Variants in SLC9C2 observed in about 807,000 individuals in gnomAD.
SLC9C2 encodes the protein sodium/hydrogen exchanger 11.
In SLC9C2, 75 loss-of-function variants were observed where a neutral mutation model predicts 140.2. The observed-to-expected ratio is 0.53, with a 90% CI of 0.44 to 0.65. The LOEUF (loss-of-function observed/expected upper bound fraction) is 0.65, where lower values mean the gene tolerates loss of function less well. SLC9C2 is among the 30% of genes least tolerant of loss of function. The probability of loss-of-function intolerance (pLI) is 0.00; values close to 1 mark genes in which losing one functional copy is unlikely to be tolerated. For synonymous variants in SLC9C2, 375 were observed against 420.9 expected (o/e 0.89, Z 1.34); for missense variants, 1,074 against 1,331.8 (o/e 0.81, Z 3.01).
chr1:173,584,212 C>G (rs1665720075), intron 5 of SLC9C2, among the ~76,000 whole-genome samples: 1 of 152,072 alleles, frequency 6.6e-6, no homozygotes, highest in South Asian at 2.1e-4. Context: ...AAACCTGAAC[C>G]TTGAAAACAT....
chr1:173,556,052 A>C (rs1467772158), intron 10 of SLC9C2, among the ~76,000 whole-genome samples: 1 of 152,020 alleles, frequency 6.6e-6, no homozygotes, highest in Admixed American at 6.6e-5. Context: ...ATAGCAACAA[A>C]CTCTGTACAT....
chr1:173,559,814 G>T (rs1195089075), intron 9 of SLC9C2, among the ~76,000 whole-genome samples: 1 of 152,172 alleles, frequency 6.6e-6, no homozygotes, highest in African/African-American at 2.4e-5. Flanking sequence ...ACTCTAGGAG[G>T]CTATATTTTC....
chr1:173,561,549 G>A (rs763246180), intron 9 of SLC9C2, among the ~76,000 whole-genome samples: 1 of 152,122 alleles, frequency 6.6e-6, no homozygotes, highest in Non-Finnish European at 1.5e-5. Context: ...ACACTGGGGG[G>A]AAGCTTGTCA....
chr1:173,546,430 A>G (rs561451849), intron 13 of SLC9C2, among the ~76,000 whole-genome samples: 1 of 152,042 alleles, frequency 6.6e-6, no homozygotes, highest in South Asian at 2.1e-4. Flanking sequence ...AAAATACAAA[A>G]ATTACCTGGG....
chr1:173,527,001 C>T (rs1184048131), intron 18 of SLC9C2, among the ~76,000 whole-genome samples: 1 of 151,976 alleles, frequency 6.6e-6, no homozygotes, highest in Non-Finnish European at 1.5e-5. Flanking sequence ...TGAGCGACCA[C>T]ACCCAGCTGA....
chr1:173,518,842 G>A (rs559033440), intron 22 of SLC9C2, among the ~76,000 whole-genome samples: 1 of 152,150 alleles, frequency 6.6e-6, no homozygotes, highest in Admixed American at 6.5e-5. Flanking sequence ...AATGAAGAAT[G>A]CCTCTGCTTT....
chr1:173,525,894 A>T (rs1258046493), intron 19 of SLC9C2, among the ~76,000 whole-genome samples: 1 of 152,258 alleles, frequency 6.6e-6, no homozygotes, highest in Non-Finnish European at 1.5e-5. Flanking sequence ...TTCTGAGATA[A>T]TGCCAAAATA....
chr1:173,514,168 A>G (rs1281674879), intron 23 of SLC9C2, among the ~76,000 whole-genome samples: 1 of 150,606 alleles, frequency 6.6e-6, no homozygotes, highest in Non-Finnish European at 1.5e-5. Context: ...GTAGATGTCT[A>G]TTAGTTCCAC....
At chr1:173,503,146 G>A (rs748819553) in intron 27 of SLC9C2, 120 bp downstream of exon 27, 162 of 658,176 alleles carry the variant, frequency 2.5e-4, no homozygotes, top group Non-Finnish European at 4.6e-5. Context: ...TTAATGAGTT[G>A]TAGCTAGGAG....
intron 26 of SLC9C2, 107 bp downstream of exon 26, chr1:173,505,140 A>C (rs1350838275): frequency 3.2e-6 from 3 of 924,100 alleles, no homozygotes; most frequent in African/African-American, 1.7e-5. Context: ...ACTAATGATA[A>C]ACCCACATAG....
chr1:173,527,827 T>C (rs1322870160), intron 18 of SLC9C2, among the ~76,000 whole-genome samples: 3 of 152,240 alleles, frequency 2.0e-5, no homozygotes, highest in African/African-American at 7.2e-5. Context: ...GTTTTTTTGT[T>C]GTCTTTGTTT....
intron 9 of SLC9C2, among the ~76,000 whole-genome samples, chr1:173,568,125 G>GT (rs1664608354): frequency 6.6e-6 from 1 of 151,956 alleles, no homozygotes; most frequent in Admixed American, 6.5e-5. Context: ...CAATTACAGC[G>GT]TTTTTTAAAT....
chr1:173,537,514 A>G (rs1205606502), intron 13 of SLC9C2, among the ~76,000 whole-genome samples: 1 of 152,104 alleles, frequency 6.6e-6, no homozygotes, highest in East Asian at 1.9e-4. Flanking sequence ...GTGAGCCGAG[A>G]TCATGCCATT....
chr1:173,569,726 A>T (rs1051967485), intron 9 of SLC9C2, among the ~76,000 whole-genome samples: 1 of 151,970 alleles, frequency 6.6e-6, no homozygotes, highest in Non-Finnish European at 1.5e-5. Flanking sequence ...AATTCAGGAG[A>T]ATCGCTTGAG....
intron 22 of SLC9C2, among the ~76,000 whole-genome samples, chr1:173,519,657 T>C (rs1464030675): frequency 6.6e-6 from 1 of 152,210 alleles, no homozygotes; most frequent in Admixed American, 6.5e-5. Flanking sequence ...AGCTTTTAAG[T>C]ATCGGACTTG....
intron 9 of SLC9C2, among the ~76,000 whole-genome samples, chr1:173,564,592 C>T (rs1281948654): frequency 1.3e-5 from 2 of 150,246 alleles, no homozygotes; most frequent in African/African-American, 4.9e-5. Flanking sequence ...CTTATATATT[C>T]TGGTTATGAA....
chr1:173,521,921 CG>C (rs142910415), intron 21 of SLC9C2, among the ~76,000 whole-genome samples: 2,816 of 144,032 alleles, frequency 0.02, 90 homozygotes, highest in African/African-American at 0.066. Context: ...CAGAAAAGGC[CG>C]GGCGCGGTGG....
rs1553251330 is a variant in SLC9C2, at chr1:173,535,948, A to C, written c.1657T>G (p.Phe553Val). 6.7e-7 allele frequency: 1 copy of C among 1,501,126 alleles called. No individual in the cohort carries two copies. Among genetic ancestry groups the C allele is most frequent in the Non-Finnish European group, 8.9e-7 (1 of 1,119,548 alleles). 93.0% of individuals were successfully genotyped at this position (1,501,126 alleles called of 1,614,324 possible). Residue 553 changes from phenylalanine to valine, a missense_variant and splice_region_variant, in exon 15 of 28, where the codon TTC becomes GTC. Physicochemically the swap from Phe to Val is conservative, Grantham distance 50. Coordinates refer to ENST00000367714, the MANE Select transcript of SLC9C2 (RefSeq NM_178527.4). ...AKCYYSIQGKFMSIYDVSTYM... is the reference protein window; with the variant it reads ...AKCYYSIQGKVMSIYDVSTYM... ...GTTGAAACATCATAAATACTCATGA[A>C]TCTAACAGAGAAAAATGTACATATG...
chr1:173,516,174 C>T (rs1385637926), intron 23 of SLC9C2, among the ~76,000 whole-genome samples: 1 of 152,196 alleles, frequency 6.6e-6, no homozygotes, highest in Non-Finnish European at 1.5e-5. Flanking sequence ...ATTTAACGAA[C>T]CACTTTGTCC....
Sources: allele counts gnomAD v4.1 joint callset (sites outside exome capture counted in the v4.1 genomes callset), GRCh38; gene constraint gnomAD v4.1.1; transcripts MANE v1.5; gene names NCBI Gene and HGNC (gene_info 2026-07-23, HGNC 2026-07-21).